COL4A4: variants seen among roughly 807,000 people sequenced by gnomAD.
The protein encoded by COL4A4 is collagen alpha-4(IV) chain.
COL4A4 carries 105 observed loss-of-function variants against 192.9 expected under a neutral mutation model. The observed-to-expected ratio is 0.54, with a 90% CI of 0.46 to 0.64. The LOEUF (loss-of-function observed/expected upper bound fraction) is 0.64, where lower values mean the gene tolerates loss of function less well. COL4A4 is among the 30% of genes least tolerant of loss of function. The probability of loss-of-function intolerance (pLI) is 0.00; values close to 1 mark genes in which losing one functional copy is unlikely to be tolerated. For synonymous variants in COL4A4, 762 were observed against 769.9 expected, an observed-to-expected ratio of 0.99 and a Z score of 0.17; for missense variants, 1,967 against 2,169.3, an observed-to-expected ratio of 0.91 and a Z score of 1.85.
chr2:227,038,046 G>T lies in COL4A4; in HGVS notation c.3505+4102C>A, dbSNP rs1353622839. The stretch of plus-strand genomic sequence containing the variant: ...TGTTCACTCTGATGATAGTTTCTTT[G>T]CTGTGCAGAAGCTCTTTAGTTTAAT... On this transcript the variant is annotated intron_variant, in intron 37 of 47. Transcript: ENST00000396625. Among the ~76,000 whole-genome samples the T allele has an allele frequency of 5.9e-5, 9 of 152,118 alleles. 1 individual carries two copies. Among genetic ancestry groups the T allele is most frequent in the Admixed American group, 5.9e-4 (9 of 15,274 alleles).
the COL4A4 span, among the ~76,000 whole-genome samples, chr2:226,980,099 ACAGT>A: frequency 6.6e-6 from 1 of 152,196 alleles, no homozygotes; most frequent in Non-Finnish European, 1.5e-5. Context: ...CATTAGTGTA[ACAGT>A]CAGCACCACT....
intron 17 of COL4A4, 105 bp from the exon 18 acceptor site, chr2:227,099,794 G>T: frequency 1.0e-6 from 1 of 977,088 alleles, no homozygotes; most frequent in Non-Finnish European, 1.6e-6. Context: ...CATATAAGAA[G>T]CAGAGATTAT....
At chr2:227,079,814 T>C (rs1489149102) in intron 24 of COL4A4, among the ~76,000 whole-genome samples, 1 of 152,220 alleles carries the variant, frequency 6.6e-6, no homozygotes, top group Non-Finnish European at 1.5e-5. Context: ...TCTGTGATAT[T>C]GTAAGCATTC....
chr2:227,068,850 T>C (rs929216791), intron 25 of COL4A4, among the ~76,000 whole-genome samples: 1 of 148,808 alleles, frequency 6.7e-6, no homozygotes, highest in Non-Finnish European at 1.5e-5. Flanking sequence ...CAACATAGTG[T>C]TGGAAGTTCT....
chr2:227,107,905 G>GC (rs2060952114), intron 12 of COL4A4, among the ~76,000 whole-genome samples: 1 of 151,670 alleles, frequency 6.6e-6, no homozygotes, highest in Non-Finnish European at 1.5e-5. Context: ...CTACAGGCAC[G>GC]CACCACCACG....
At chr2:227,035,639 A>G (rs1404554140) in intron 37 of COL4A4, among the ~76,000 whole-genome samples, 2 of 151,896 alleles carry the variant, frequency 1.3e-5, no homozygotes, top group Non-Finnish European at 2.9e-5. Flanking sequence ...TTCCTATTTT[A>G]TGAGCCAACG....
the COL4A4 span, among the ~76,000 whole-genome samples, chr2:226,974,297 G>A: frequency 1.3e-5 from 2 of 152,022 alleles, no homozygotes; most frequent in Non-Finnish European, 2.9e-5. Context: ...GAGTGCAGTG[G>A]TGTGATCTCG....
At chr2:227,148,987 C>T (rs1458383387) in intron 1 of COL4A4, among the ~76,000 whole-genome samples, 1 of 151,870 alleles carries the variant, frequency 6.6e-6, no homozygotes, top group Non-Finnish European at 1.5e-5. Context: ...TGTGCCACCA[C>T]ACCCGGCTAA....
intron 20 of COL4A4, among the ~76,000 whole-genome samples, chr2:227,093,092 A>C (rs1190419153): frequency 6.6e-6 from 1 of 152,164 alleles, no homozygotes; most frequent in Non-Finnish European, 1.5e-5. Context: ...CCTTGCAAAA[A>C]TTCTCACAGT....
At chr2:227,042,989 A>C in intron 36 of COL4A4, 88 bp downstream of exon 36, 2 of 961,756 alleles carry the variant, frequency 2.1e-6, no homozygotes, top group Non-Finnish European at 3.3e-6. Context: ...CCATATCTGA[A>C]TTTAGGTCTA....
intron 44 of COL4A4, among the ~76,000 whole-genome samples, chr2:227,016,847 G>A (rs1056103936): frequency 6.6e-6 from 1 of 152,186 alleles, no homozygotes; most frequent in African/African-American, 2.4e-5. Context: ...ACTGCATGCT[G>A]TATGTGGTTA....
chr2:227,052,835 T>TG (rs1305245098), intron 31 of COL4A4, among the ~76,000 whole-genome samples: 1 of 152,178 alleles, frequency 6.6e-6, no homozygotes, highest in Non-Finnish European at 1.5e-5. Context: ...GAACAGACAC[T>TG]TATCTCAATG....
the COL4A4 span, among the ~76,000 whole-genome samples, chr2:226,987,258 G>A: frequency 2.0e-5 from 3 of 152,052 alleles, no homozygotes; most frequent in Non-Finnish European, 4.4e-5. Flanking sequence ...CAGGTTGATG[G>A]GTGCAGCAAA....
intron 30 of COL4A4, among the ~76,000 whole-genome samples, chr2:227,055,163 T>G (rs1559509569): frequency 6.6e-6 from 1 of 152,272 alleles, no homozygotes; most frequent in East Asian, 1.9e-4. Flanking sequence ...AGATGCAAAC[T>G]CCTGCCTAAC....
the COL4A4 span, among the ~76,000 whole-genome samples, chr2:226,972,940 A>C: frequency 1.3e-5 from 2 of 151,754 alleles, no homozygotes; most frequent in South Asian, 2.1e-4. Context: ...AAAAAAAAAA[A>C]AAAAACAAAA....
chr2:227,083,379 G>A (rs2150535890), intron 22 of COL4A4, among the ~76,000 whole-genome samples: 1 of 152,236 alleles, frequency 6.6e-6, no homozygotes, highest in East Asian at 1.9e-4. Flanking sequence ...TTGGAGGGAG[G>A]TAAAAATGAC....
chr2:226,995,362 G>A, the COL4A4 span: 1 of 938,684 alleles, frequency 1.1e-6, no homozygotes, highest in Non-Finnish European at 1.7e-6. Flanking sequence ...TTGTTCCCTT[G>A]GAATCCTAGG....
the COL4A4 span, among the ~76,000 whole-genome samples, chr2:226,970,059 C>T: frequency 2.1e-5 from 3 of 143,800 alleles, no homozygotes; most frequent in African/African-American, 5.2e-5. Context: ...CATCCCAGCC[C>T]TCTCCCCCCG....
intron 46 of COL4A4, 59 bp downstream of exon 46, chr2:227,010,254 A>G: frequency 6.3e-7 from 1 of 1,584,266 alleles, no homozygotes; most frequent in Non-Finnish European, 8.7e-7. Flanking sequence ...ATGAATCAGT[A>G]AAATTAACCC....
Sources: gnomAD v4.1 joint callset for allele counts (sites outside exome capture counted in the v4.1 genomes callset) on GRCh38, gnomAD v4.1.1 for gene constraint, MANE v1.5 for transcripts, NCBI Gene and HGNC (gene_info 2026-07-23, HGNC 2026-07-21) for gene names.